Variants in FSTL4 observed in about 807,000 individuals in gnomAD.
FSTL4 encodes follistatin like 4, also known as follistatin-related protein 4.
A neutral mutation model predicts 78.2 loss-of-function variants in FSTL4; 28 were observed. The observed-to-expected ratio is 0.36, with a 90% CI of 0.27 to 0.49. The LOEUF is 0.49. FSTL4 is among the 20% of genes least tolerant of loss of function. The probability of loss-of-function intolerance (pLI) is 0.98; values close to 1 mark genes in which losing one functional copy is unlikely to be tolerated. For missense variants in FSTL4, 922 were observed against 1,084.9 expected, an observed-to-expected ratio of 0.85 and a Z score of 2.11; for synonymous variants, 422 against 440.5, an observed-to-expected ratio of 0.96 and a Z score of 0.53.
chr5:133,600,294 G>A (rs1760836445), intron 2 of FSTL4, among the ~76,000 whole-genome samples: 2 of 152,156 alleles, frequency 1.3e-5, no homozygotes, highest in South Asian at 4.1e-4. Context: ...AGGCAGGTCA[G>A]ACTAGGCTAC....
chr5:133,282,779 G>T (rs1185022513), intron 6 of FSTL4, among the ~76,000 whole-genome samples: 1 of 152,182 alleles, frequency 6.6e-6, no homozygotes, highest in Non-Finnish European at 1.5e-5. Context: ...TGAACCAGGG[G>T]TTTGTCACCC....
chr5:133,487,474 C>T (rs1321721791), intron 3 of FSTL4, among the ~76,000 whole-genome samples: 19 of 152,210 alleles, frequency 1.2e-4, no homozygotes, highest in African/African-American at 4.3e-4. Context: ...TCTTGGTGAA[C>T]TGTTCTGCTG....
intron 3 of FSTL4, among the ~76,000 whole-genome samples, chr5:133,453,972 C>G (rs1757433169): frequency 6.6e-6 from 1 of 152,198 alleles, no homozygotes; most frequent in Admixed American, 6.5e-5. Flanking sequence ...GAAGCACAAA[C>G]CATTCTCAGC....
At chr5:133,763,085 C>T in the FSTL4 span, among the ~76,000 whole-genome samples, 2 of 152,232 alleles carry the variant, frequency 1.3e-5, no homozygotes, top group Non-Finnish European at 2.9e-5. Flanking sequence ...TTAAGCCAAA[C>T]CTCAGGAGTC....
At chr5:133,701,943 C>G in the FSTL4 span, among the ~76,000 whole-genome samples, 2 of 152,122 alleles carry the variant, frequency 1.3e-5, no homozygotes, top group Non-Finnish European at 2.9e-5. Flanking sequence ...GCACATAGCT[C>G]ATGTCCTGGC....
At chr5:133,807,215 G>A in the FSTL4 span, among the ~76,000 whole-genome samples, 3 of 152,136 alleles carry the variant, frequency 2.0e-5, no homozygotes, top group African/African-American at 4.8e-5. Context: ...GCCAGCCAGG[G>A]CTAATATTTA....
At chr5:133,366,839 C>T (rs1385063545) in intron 4 of FSTL4, among the ~76,000 whole-genome samples, 1 of 152,010 alleles carries the variant, frequency 6.6e-6, no homozygotes, top group East Asian at 1.9e-4. Flanking sequence ...CTGAGGTCTA[C>T]TTAAAATACT....
intron 3 of FSTL4, among the ~76,000 whole-genome samples, chr5:133,513,543 G>A (rs1285359614): frequency 6.6e-6 from 1 of 152,114 alleles, no homozygotes; most frequent in Non-Finnish European, 1.5e-5. Context: ...TGCATGAAGT[G>A]GATTCTTCCT....
chr5:133,428,917 A>G (rs115087104), intron 3 of FSTL4, among the ~76,000 whole-genome samples: 2,387 of 152,318 alleles, frequency 0.016, 65 homozygotes, highest in African/African-American at 0.054. Flanking sequence ...AAATGTCATC[A>G]TCCTAAGCAG....
In FSTL4 at chr5:133,531,134, T is replaced by C. The variant is rs1412038761; in HGVS notation, c.160+36052A>G. On this transcript the variant is annotated intron_variant, in intron 3 of 15. Transcript: ENST00000265342. Reference sequence around the variant, plus strand: ...GGACTGACCCCTCCTTGTGTCTCACTGGCTGATCATTGATGGGATGCTCTC... The same window carrying C: ...GGACTGACCCCTCCTTGTGTCTCACCGGCTGATCATTGATGGGATGCTCTC... 2.0e-5 allele frequency among the ~76,000 whole-genome samples: 3 copies of C among 152,258 alleles called. No homozygotes were observed. The East Asian group carries it at 5.8e-4, about 29-fold the overall frequency.
intron 3 of FSTL4, among the ~76,000 whole-genome samples, chr5:133,483,375 A>T (rs781199553): frequency 8.5e-5 from 13 of 152,248 alleles, no homozygotes; most frequent in Non-Finnish European, 1.2e-4. Context: ...GGCCTTGTTC[A>T]GGGATGCAAG....
At position 133,240,146 on chromosome 5, in the gene FSTL4, G is replaced by A. The variant is rs556721463; in HGVS notation, c.895-6609C>T. Among the ~76,000 whole-genome samples the A allele has an allele frequency of 1.5e-3, 228 of 152,268 alleles. 4 individuals carry two copies. Among genetic ancestry groups the A allele is most frequent in the African/African-American group, 5.2e-3 (216 of 41,554 alleles). Reference sequence around the variant, plus strand: ...GCACTTCTGAAGCCAGCGAGACCACGAACCCACCAGAAGGAAGAAACTCCA... The same window carrying A: ...GCACTTCTGAAGCCAGCGAGACCACAAACCCACCAGAAGGAAGAAACTCCA... On this transcript the variant is annotated intron_variant, in intron 7 of 15. Coordinates refer to ENST00000265342, the MANE Select transcript of FSTL4 (RefSeq NM_015082.2).
chr5:133,373,253 C>A (rs1232919951), intron 4 of FSTL4, among the ~76,000 whole-genome samples: 3 of 152,312 alleles, frequency 2.0e-5, no homozygotes, highest in East Asian at 3.9e-4. Flanking sequence ...CGAAGAGCCC[C>A]CAGGGCTCTG....
Position 133,344,467 on chromosome 5 carries a change from G to A in FSTL4, c.410-27815C>T, listed in dbSNP as rs937391252. Reference sequence around the variant, plus strand: ...AAGATACAGTGAACCTCACGGCAGGGGAGATGTCAGCCCAGGTGACTCACC... The same window carrying A: ...AAGATACAGTGAACCTCACGGCAGGAGAGATGTCAGCCCAGGTGACTCACC... On this transcript the variant is annotated intron_variant, in intron 4 of 15. Coordinates refer to ENST00000265342, the MANE Select transcript of FSTL4 (RefSeq NM_015082.2). Among the ~76,000 whole-genome samples, 3 of 152,334 alleles carry A rather than the reference G, an allele frequency of 2.0e-5. No individual in the cohort carries two copies. The East Asian group carries it at 5.8e-4, about 29-fold the overall frequency.
chr5:133,641,257 C>T, the FSTL4 span, among the ~76,000 whole-genome samples: 2 of 147,202 alleles, frequency 1.4e-5, no homozygotes, highest in African/African-American at 5.1e-5. Context: ...AAACAAAACA[C>T]ACACACAAAA....
the FSTL4 span, among the ~76,000 whole-genome samples, chr5:133,760,272 G>A: frequency 6.6e-6 from 1 of 152,234 alleles, no homozygotes; most frequent in Non-Finnish European, 1.5e-5. Flanking sequence ...GGGCCACAGA[G>A]TCATTTCAGG....
chr5:133,694,392 TCTC>T, the FSTL4 span, among the ~76,000 whole-genome samples: 51 of 152,360 alleles, frequency 3.3e-4, no homozygotes, highest in African/African-American at 1.2e-3. Flanking sequence ...AATTCTTTAG[TCTC>T]CTCCTCTCAA....
At position 133,338,521 on chromosome 5, in the gene FSTL4, C is replaced by T. The variant is rs1169802583; in HGVS notation, c.410-21869G>A. On this transcript the variant is annotated intron_variant, in intron 4 of 15. Transcript: ENST00000265342. This position sits in a 1 kb window ranked among gnomAD's most constrained non-coding sequence, Gnocchi z 4.0. ...CTATACAGAAACTTCCCTCTGCTCC[C>T]CCATGGATACTCGGTTCCCTCAATC... Among the ~76,000 whole-genome samples, 2 of 152,104 alleles carry T rather than the reference C, an allele frequency of 1.3e-5. No homozygotes were observed. The highest frequency in any genetic ancestry group is 4.8e-5 in the African/African-American group (2 of 41,394).
In FSTL4 at chr5:133,197,235, T is replaced by G. The variant is rs1750170160; in HGVS notation, c.*1860A>C. The G allele has an allele frequency of 6.9e-6, 1 of 144,358 alleles. No individual in the cohort carries two copies. Among genetic ancestry groups the G allele is most frequent in the South Asian group, 2.3e-4 (1 of 4,376 alleles). 8.9% of individuals were successfully genotyped at this position (144,358 alleles called of 1,614,324 possible). A position where few individuals can be genotyped will look rare whatever the true frequency, so the allele number is the denominator to read the frequency against. On this transcript the variant is annotated 3_prime_UTR_variant, in exon 16 of 16. Coordinates refer to ENST00000265342, the MANE Select transcript of FSTL4 (RefSeq NM_015082.2). ...GTTTATGAAAGTTGGAGAATTTTAG[T>G]GGTAAAAATGGGAGATTGGGAGTAA... is the stretch of plus-strand genomic sequence containing the variant.
Sources: gnomAD v4.1 joint callset for allele counts (sites outside exome capture counted in the v4.1 genomes callset) on GRCh38, gnomAD v4.1.1 for gene constraint, Gnocchi (gnomAD v3.1) non-coding constraint, MANE v1.5 for transcripts, NCBI Gene and HGNC (gene_info 2026-07-23, HGNC 2026-07-21) for gene names.